Variants in SLC37A2 observed in about 807,000 individuals in gnomAD.
The protein encoded by SLC37A2 is solute carrier family 37 member 2.
Under a neutral mutation model 70.7 loss-of-function variants are expected in SLC37A2, and 59 were observed. The ratio of observed to expected loss-of-function variants is 0.83; its 90% confidence interval spans 0.68 to 1.04. SLC37A2 has a LOEUF of 1.04. SLC37A2 is among the 50% of genes least tolerant of loss of function. The pLI is 0.00. For missense variants in SLC37A2, 580 were observed against 658.1 expected, an observed-to-expected ratio of 0.88 and a Z score of 1.30; for synonymous variants, 257 against 262.1, an observed-to-expected ratio of 0.98 and a Z score of 0.19.
intron 5 of SLC37A2, 135 bp downstream of exon 5, chr11:125,079,382 T>G: frequency 8.5e-7 from 1 of 1,177,876 alleles, no homozygotes; most frequent in Non-Finnish European, 1.2e-6. Context: ...CACTGAGTTC[T>G]ACCTCCTGGC....
rs1449532062 is a variant in SLC37A2, at chr11:125,085,085, G to A, written c.1194G>A (p.Gly398=). The A allele has an allele frequency of 6.2e-7, 1 of 1,614,070 alleles. No homozygotes were observed. Among genetic ancestry groups the A allele is most frequent in the South Asian group, 1.1e-5 (1 of 91,084 alleles). The change falls in exon 14 of 18, where the codon GGG becomes GGA. Residue 398 remains glycine, a synonymous_variant. Transcript: ENST00000403796. ...TCCCAGTGATGCTGATCATCTGTGG[G>A]GGCCTGGTCAATGGCCCATACGCGC... is the stretch of plus-strand genomic sequence containing the variant. ...ASSIVMLIIC[G]GLVNGPYALI...
chr11:125,074,080 AC>A (rs1231646257), intron 1 of SLC37A2, among the ~76,000 whole-genome samples: 3 of 151,436 alleles, frequency 2.0e-5, no homozygotes, highest in Admixed American at 6.6e-5. Context: ...CCCTACAGAT[AC>A]CCCCACTGAG....
rs1032600736 is a variant in SLC37A2, at chr11:125,081,850, A to G, written c.829A>G (p.Lys277Glu). 5 of 1,613,840 alleles carry G rather than the reference A, an allele frequency of 3.1e-6. No homozygotes were observed. The African/African-American group carries it at 5.3e-5, about 17-fold the overall frequency. ...SGLETVAKCS[K>E]GPCEEPAAIS... ...CCTTGAGACTGTGGCCAAATGCTCCAAGGGGCCATGCGAAGAGCCTGCTGC... is the reference window on the plus strand; with the variant it reads ...CCTTGAGACTGTGGCCAAATGCTCCGAGGGGCCATGCGAAGAGCCTGCTGC... Residue 277 changes from lysine to glutamate, a missense_variant, in exon 9 of 18, where the codon AAG becomes GAG. Lys to Glu is a moderately conservative substitution (Grantham distance 56). Transcript: ENST00000403796.
At position 125,080,984 on chromosome 11, in the gene SLC37A2, C is replaced by T. The variant is rs917017868; in HGVS notation, c.694+204C>T. ...GTCTATTTCGTAGGATTTCTGCAGG[C>T]TTAACTGAGACACCATAGTTAAAAT... On this transcript the variant is annotated intron_variant, in intron 7 of 17. Transcript: ENST00000403796. The surrounding 1 kb of genome is among the most constrained non-coding windows in gnomAD (Gnocchi z 4.3). Among the ~76,000 whole-genome samples the T allele has an allele frequency of 6.6e-6, 1 of 152,104 alleles. No individual in the cohort carries two copies. Among genetic ancestry groups the T allele is most frequent in the Non-Finnish European group, 1.5e-5 (1 of 68,026 alleles).
chr11:125,076,820 G>A lies in SLC37A2; in HGVS notation c.123G>A (p.Lys41=). The A allele has an allele frequency of 1.2e-6, 2 of 1,614,186 alleles. No homozygotes were observed. Among genetic ancestry groups the A allele is most frequent in the South Asian group, 2.2e-5 (2 of 91,084 alleles). ...ACGCCTGCTATCACATGTCCAGGAA[G>A]CCTATCAGTATCGTCAAGGTGAGGC... The part of the protein sequence containing the change: ...LIYACYHMSR[K]PISIVKSRLH... The change falls in exon 2 of 18, where the codon AAG becomes AAA. Residue 41 remains lysine, a synonymous_variant. Coordinates refer to ENST00000403796, the MANE Select transcript of SLC37A2 (RefSeq NM_001145290.2).
At chr11:125,068,398 T>G (rs1167276891) in intron 1 of SLC37A2, among the ~76,000 whole-genome samples, 1 of 152,226 alleles carries the variant, frequency 6.6e-6, no homozygotes. Flanking sequence ...AAATGTCACG[T>G]AGTTCTTCTG....
chr11:125,085,990 T>C lies in SLC37A2; in HGVS notation c.1462T>C (p.Trp488Arg), dbSNP rs1281792079. 6.2e-7 allele frequency: 1 copy of C among 1,614,204 alleles called. No individual in the cohort carries two copies. The highest frequency in any genetic ancestry group is 1.3e-5 in the African/African-American group (1 of 75,072). ...CRLVYKEILA[W>R]KVSLSRGSGY... ...GTTAGTATACAAAGAGATCTTGGCCTGGAAGGTGTCCCTGAGCAGAGGCAG... is the reference window on the plus strand; with the variant it reads ...GTTAGTATACAAAGAGATCTTGGCCCGGAAGGTGTCCCTGAGCAGAGGCAG... The change falls in exon 17 of 18, where the codon TGG becomes CGG. Residue 488 changes from tryptophan (W) to arginine (R), a missense_variant. Physicochemically the swap from Trp to Arg is moderately radical, Grantham distance 101. Transcript: ENST00000403796.
At position 125,063,407 on chromosome 11, in the gene SLC37A2, G is replaced by C. The variant is rs201925893; in HGVS notation, c.40G>C (p.Ala14Pro). Residue 14 changes from alanine (A) to proline (P), a missense_variant, in exon 1 of 18, where the codon GCC becomes CCC. Coordinates refer to ENST00000403796, the MANE Select transcript of SLC37A2 (RefSeq NM_001145290.2). The surrounding 1 kb of genome is among the most constrained non-coding windows in gnomAD (Gnocchi z 5.4). The stretch of plus-strand genomic sequence containing the variant: ...GGCTCCGGGAGTCTGGTTCTTCCGG[G>C]CCTTCTCCAGGGACAGCTGGTGAGC... ...SLAPGVWFFR[A>P]FSRDSWFRGL... The C allele has an allele frequency of 1.2e-6, 2 of 1,611,816 alleles. No individual in the cohort carries two copies. Among genetic ancestry groups the C allele is most frequent in the African/African-American group, 1.3e-5 (1 of 74,832 alleles).
chr11:125,081,312 TG>T, intron 7 of SLC37A2, 108 bp from the exon 8 acceptor site: 3 of 1,091,890 alleles, frequency 2.7e-6, no homozygotes, highest in African/African-American at 1.7e-5. Flanking sequence ...GAGGCGGGGC[TG>T]GTTCCCGGGA....
intron 1 of SLC37A2, among the ~76,000 whole-genome samples, chr11:125,069,819 A>C (rs1461812821): frequency 6.6e-6 from 1 of 152,246 alleles, no homozygotes; most frequent in Non-Finnish European, 1.5e-5. Context: ...TCTGTCCAGG[A>C]AGATGTTGCT....
chr11:125,073,520 C>G (rs1462364911), intron 1 of SLC37A2, among the ~76,000 whole-genome samples: 1 of 152,240 alleles, frequency 6.6e-6, no homozygotes, highest in Non-Finnish European at 1.5e-5. Flanking sequence ...TCTTCCTGGT[C>G]TGAACATTGG....
intron 8 of SLC37A2, 61 bp downstream of exon 8, chr11:125,081,519 C>T (rs543231114): frequency 7.1e-6 from 11 of 1,549,718 alleles, no homozygotes; most frequent in African/African-American, 4.1e-5. Context: ...GGGCTGGACC[C>T]GGAGAGGCCT....
At chr11:125,075,645 A>C (rs992111727) in intron 1 of SLC37A2, among the ~76,000 whole-genome samples, 2 of 152,242 alleles carry the variant, frequency 1.3e-5, no homozygotes, top group African/African-American at 4.8e-5. Context: ...AGTGAGAAGG[A>C]GCCTCGTAGC....
intron 16 of SLC37A2, 101 bp downstream of exon 16, chr11:125,085,775 C>G (rs1303253674): frequency 2.2e-6 from 3 of 1,362,186 alleles, no homozygotes; most frequent in Admixed American, 1.8e-5. Context: ...GGTTCTGGGG[C>G]AATGAGAGCA....
Position 125,079,769 on chromosome 11 carries a change from A to G in SLC37A2, c.527+9A>G, listed in dbSNP as rs55889403. Reference sequence around the variant, plus strand: ...TGGTTCGGGAAGGGGAAGTGAGTGTAACAAGGGAGGAGGAGTGGGAAGGAT... The same window carrying G: ...TGGTTCGGGAAGGGGAAGTGAGTGTGACAAGGGAGGAGGAGTGGGAAGGAT... On this transcript the variant is annotated intron_variant, in intron 6 of 17. Coordinates refer to ENST00000403796, the MANE Select transcript of SLC37A2 (RefSeq NM_001145290.2). 0.22 allele frequency: 344,821 copies of G among 1,599,026 alleles called. 40,912 individuals are homozygous for G. The highest frequency in any genetic ancestry group is 0.45 in the African/African-American group (33,400 of 74,520).
chr11:125,088,600 G>GC lies in SLC37A2; in HGVS notation c.*467dup, dbSNP rs1233303303. 1 of 157,290 alleles carries GC rather than the reference G, an allele frequency of 6.4e-6. No individual in the cohort carries two copies. The highest frequency in any genetic ancestry group is 2.4e-5 in the African/African-American group (1 of 41,580). The allele number at this position is 157,290 out of a possible 1,614,324, so 9.7% of individuals were successfully genotyped here. The stretch of plus-strand genomic sequence containing the variant: ...AGCCTCTCTTTGTCCCTCTATCCAT[G>GC]CAACAGTCTTCTCTGTGCATTTCCC... On this transcript the variant is annotated 3_prime_UTR_variant, in exon 18 of 18. Coordinates refer to ENST00000403796, the MANE Select transcript of SLC37A2 (RefSeq NM_001145290.2).
chr11:125,085,834 C>A (rs1261694817), intron 16 of SLC37A2, 120 bp from the exon 17 acceptor site: 2 of 1,250,404 alleles, frequency 1.6e-6, no homozygotes, highest in African/African-American at 2.9e-5. Context: ...GACCCCTTGC[C>A]AAGTGGCAGC....
chr11:125,077,907 G>C (rs555706244), intron 4 of SLC37A2, among the ~76,000 whole-genome samples: 17 of 152,280 alleles, frequency 1.1e-4, no homozygotes, highest in Admixed American at 5.2e-4. Context: ...AGGAATCCAC[G>C]ATCAATAAGG....
chr11:125,074,658 G>C (rs891037018), intron 1 of SLC37A2, among the ~76,000 whole-genome samples: 9 of 152,234 alleles, frequency 5.9e-5, no homozygotes, highest in African/African-American at 2.2e-4. Context: ...GCAGCAGGCT[G>C]TGCCTCTGGG....
Sources: allele counts gnomAD v4.1 joint callset (sites outside exome capture counted in the v4.1 genomes callset), GRCh38; gene constraint gnomAD v4.1.1; non-coding constraint Gnocchi (gnomAD v3.1); transcripts MANE v1.5; gene names NCBI Gene and HGNC (gene_info 2026-07-23, HGNC 2026-07-21).